The following ASNS variants were observed in gnomAD, a reference collection of about 807,000 sequenced individuals.
The protein encoded by ASNS is asparagine synthetase (glutamine-hydrolyzing).
A neutral mutation model predicts 62.6 loss-of-function variants in ASNS; 37 were observed. The observed-to-expected ratio is 0.59, with a 90% CI of 0.45 to 0.78. ASNS has a LOEUF of 0.78. ASNS is among the 30% of genes least tolerant of loss of function. The pLI is 0.00. For synonymous variants in ASNS, 207 were observed against 237.9 expected (o/e 0.87, Z 1.19); for missense variants, 520 against 682.4 (o/e 0.76, Z 2.65).
chr7:97,856,565 G>T, intron 8 of ASNS, 125 bp downstream of exon 8: 1 of 843,496 alleles, frequency 1.2e-6, no homozygotes, highest in South Asian at 2.5e-5. Flanking sequence ...AGTAACATAG[G>T]GATTTAATTT....
the ASNS span, among the ~76,000 whole-genome samples, chr7:97,915,620 C>T: frequency 6.6e-6 from 1 of 152,080 alleles, no homozygotes. Context: ...GTTGCTGTGA[C>T]TGAGTCAGTG....
intron 6 of ASNS, 59 bp from the exon 7 acceptor site, chr7:97,858,464 C>G: frequency 6.3e-7 from 1 of 1,592,848 alleles, no homozygotes; most frequent in South Asian, 1.1e-5. Context: ...AAGACAGGGA[C>G]AGAAGATGTA....
the ASNS span, chr7:97,898,332 T>A: frequency 6.1e-6 from 3 of 491,060 alleles, no homozygotes; most frequent in Non-Finnish European, 1.1e-5. Context: ...CTGTTTTAAG[T>A]CTGAACTTTA....
At chr7:97,922,399 G>C in the ASNS span, among the ~76,000 whole-genome samples, 1 of 152,042 alleles carries the variant, frequency 6.6e-6, no homozygotes, top group African/African-American at 2.4e-5. Flanking sequence ...GAAAAAAGTT[G>C]AATTCACAGA....
At chr7:97,869,231 C>A in intron 2 of ASNS, 52 bp from the exon 3 acceptor site, 1 of 1,559,754 alleles carries the variant, frequency 6.4e-7, no homozygotes, top group African/African-American at 1.4e-5. Flanking sequence ...CAATCCAACT[C>A]TGCATTAAAT....
chr7:97,910,590 T>C, the ASNS span, among the ~76,000 whole-genome samples: 2 of 143,728 alleles, frequency 1.4e-5, no homozygotes, highest in South Asian at 2.3e-4. Context: ...CCTTTTATTA[T>C]GAGACCACAG....
At chr7:97,885,500 G>A in the ASNS span, among the ~76,000 whole-genome samples, 1 of 152,190 alleles carries the variant, frequency 6.6e-6, no homozygotes, top group Non-Finnish European at 1.5e-5. Flanking sequence ...CTGTGAGACT[G>A]AGCTCCCTCT....
At chr7:97,901,103 G>A in the ASNS span, among the ~76,000 whole-genome samples, 4 of 152,190 alleles carry the variant, frequency 2.6e-5, no homozygotes, top group African/African-American at 7.2e-5. Context: ...TCTAGTAGAC[G>A]CTGCAGGATG....
chr7:97,882,502 C>T, the ASNS span, among the ~76,000 whole-genome samples: 294 of 151,706 alleles, frequency 1.9e-3, no homozygotes, highest in Admixed American at 3.6e-3. Context: ...GAGCCGAGAT[C>T]GCATCACTGC....
At chr7:97,854,083 G>C (rs1437212527) in intron 10 of ASNS, among the ~76,000 whole-genome samples, 1 of 152,172 alleles carries the variant, frequency 6.6e-6, no homozygotes, top group Non-Finnish European at 1.5e-5. Flanking sequence ...GATAACCAAA[G>C]AAACCTGGTT....
chr7:97,876,429 ATTTTT>A (rs56382958), upstream of ASNS, among the ~76,000 whole-genome samples: 66 of 137,276 alleles, frequency 4.8e-4, no homozygotes, highest in Non-Finnish European at 9.5e-4. Flanking sequence ...ACTCAAACAT[ATTTTT>A]TTTTTTTTTT....
the ASNS span, among the ~76,000 whole-genome samples, chr7:97,924,849 A>C: frequency 2.0e-5 from 3 of 152,232 alleles, no homozygotes; most frequent in South Asian, 6.2e-4. Context: ...TTACAATGCT[A>C]TGCCCAGCCC....
At chr7:97,902,343 T>C in the ASNS span, among the ~76,000 whole-genome samples, 4 of 152,182 alleles carry the variant, frequency 2.6e-5, no homozygotes, top group African/African-American at 9.7e-5. Context: ...CGACCAATTT[T>C]TCTAAATGCT....
At chr7:97,925,933 A>G in the ASNS span, among the ~76,000 whole-genome samples, 1 of 152,120 alleles carries the variant, frequency 6.6e-6, no homozygotes, top group Non-Finnish European at 1.5e-5. Context: ...ACAAGCGGTC[A>G]ATAAAGGCTT....
chr7:97,884,841 C>G, the ASNS span, among the ~76,000 whole-genome samples: 2 of 152,200 alleles, frequency 1.3e-5, no homozygotes, highest in Non-Finnish European at 2.9e-5. Context: ...ACATTTTCAT[C>G]ACCCCAAAAA....
At chr7:97,852,614 A>C (rs17344752) in intron 12 of ASNS, 146 bp from the exon 13 acceptor site, 2 of 785,188 alleles carry the variant, frequency 2.5e-6, no homozygotes, top group African/African-American at 1.7e-5. Flanking sequence ...AGAAAATGCT[A>C]AAGTATTCAT....
the ASNS span, among the ~76,000 whole-genome samples, chr7:97,896,735 C>CATATATATAT: frequency 1.8e-3 from 46 of 24,938 alleles, no homozygotes; most frequent in East Asian, 6.5e-3. Flanking sequence ...CACACACACA[C>CATATATATAT]ACACACATAT....
the ASNS span, among the ~76,000 whole-genome samples, chr7:97,907,107 A>C: frequency 6.6e-6 from 1 of 152,204 alleles, no homozygotes; most frequent in Non-Finnish European, 1.5e-5. Flanking sequence ...GATACATAAC[A>C]CTAACCATCA....
At chr7:97,866,507 T>A (rs951665265) in intron 3 of ASNS, among the ~76,000 whole-genome samples, 7 of 152,190 alleles carry the variant, frequency 4.6e-5, no homozygotes, top group Middle Eastern at 3.2e-3. Context: ...CTCTCCACCA[T>A]CAACGGCAAA....
Sources: gnomAD v4.1 joint callset for allele counts (sites outside exome capture counted in the v4.1 genomes callset) on GRCh38, gnomAD v4.1.1 for gene constraint, MANE v1.5 for transcripts, NCBI Gene and HGNC (gene_info 2026-07-23, HGNC 2026-07-21) for gene names.